Variants in TFAP2B observed in about 807,000 individuals in gnomAD.
TFAP2B encodes transcription factor AP-2 beta, also known as transcription factor AP-2-beta.
Under a neutral mutation model 44.3 loss-of-function variants are expected in TFAP2B, and 9 were observed. The observed-to-expected ratio is 0.20, with a 90% confidence interval of 0.12 to 0.35. TFAP2B has a LOEUF of 0.35. Among genes scored for constraint, TFAP2B ranks in the 10% least tolerant of loss-of-function variants. The pLI, the probability that TFAP2B is intolerant of heterozygous loss-of-function variation, is 1.00. For synonymous variants in TFAP2B, 270 were observed against 263.8 expected, an observed-to-expected ratio of 1.02 and a Z score of -0.23; for missense variants, 509 against 600.0, an observed-to-expected ratio of 0.85 and a Z score of 1.59.
In TFAP2B at chr6:50,844,315, A is replaced by T. The variant is rs2113963248; in HGVS notation, c.*923A>T. The T allele has an allele frequency of 6.6e-6, 1 of 152,056 alleles. No individual in the cohort carries two copies. The highest frequency in any genetic ancestry group is 6.6e-5 in the Admixed American group (1 of 15,254). The allele number at this position is 152,056 out of a possible 1,614,324, so 9.4% of individuals were successfully genotyped here. A position where few individuals can be genotyped will look rare whatever the true frequency, so the allele number is the denominator to read the frequency against. On this transcript the variant is annotated 3_prime_UTR_variant, in exon 7 of 7. Transcript: ENST00000393655. Reference sequence around the variant, plus strand: ...TAAAAAAAAAAAAACACACACACACACAATATGAATACGTTGATTAGTATG... The same window carrying T: ...TAAAAAAAAAAAAACACACACACACTCAATATGAATACGTTGATTAGTATG...
At chr6:50,840,543 G>A (rs377081184) in intron 6 of TFAP2B, among the ~76,000 whole-genome samples, 1 of 152,130 alleles carries the variant, frequency 6.6e-6, no homozygotes, top group South Asian at 2.1e-4. Context: ...TATCACTCTG[G>A]GGATGTCAGG....
At chr6:50,837,157 A>G (rs1762639893) in intron 4 of TFAP2B, among the ~76,000 whole-genome samples, 1 of 152,204 alleles carries the variant, frequency 6.6e-6, no homozygotes, top group Admixed American at 6.5e-5. Context: ...GTACAGCAAA[A>G]GAGATTACAG....
At chr6:50,819,229 C>T (rs948150862) in intron 1 of TFAP2B, among the ~76,000 whole-genome samples, 5 of 149,322 alleles carry the variant, frequency 3.3e-5, no homozygotes, top group African/African-American at 1.2e-4. Flanking sequence ...TTCCTCGCCT[C>T]CCCCCACCCC....
At chr6:50,826,190 G>C (rs1770498955) in intron 2 of TFAP2B, among the ~76,000 whole-genome samples, 1 of 151,888 alleles carries the variant, frequency 6.6e-6, no homozygotes. Flanking sequence ...GTCTTTAAAA[G>C]GGCCTGCACT....
chr6:50,827,304 T>A (rs1770556010), intron 2 of TFAP2B, among the ~76,000 whole-genome samples: 1 of 152,236 alleles, frequency 6.6e-6, no homozygotes, highest in Admixed American at 6.5e-5. Context: ...ACATGAAATA[T>A]TTTTAAAACA....
At chr6:50,826,284 T>C (rs1770501407) in intron 2 of TFAP2B, among the ~76,000 whole-genome samples, 1 of 152,058 alleles carries the variant, frequency 6.6e-6, no homozygotes, top group Non-Finnish European at 1.5e-5. Flanking sequence ...TCGTGTGTGT[T>C]CCAGATCCCC....
intron 1 of TFAP2B, chr6:50,821,827 C>T: frequency 7.9e-6 from 2 of 251,848 alleles, no homozygotes; most frequent in South Asian, 4.8e-5. Context: ...GAGGAAGGGG[C>T]GGCCGAGCAG....
At chr6:50,842,854 C>A (rs925412062) in intron 6 of TFAP2B, among the ~76,000 whole-genome samples, 1 of 152,154 alleles carries the variant, frequency 6.6e-6, no homozygotes, top group Middle Eastern at 3.2e-3. Flanking sequence ...AGGCTGAAGT[C>A]GGGGGAAGGC....
rs1770247249 is a variant in TFAP2B, at chr6:50,818,963, T to G, written c.72T>G (p.Asp24Glu). The G allele has an allele frequency of 6.2e-7, 1 of 1,614,108 alleles. No homozygotes were observed. Among genetic ancestry groups the G allele is most frequent in the African/African-American group, 1.3e-5 (1 of 75,020 alleles). ...TTGTGGAGAATGTCAAGTACGAAGATATCTATGAGGTGAGTCGACACCCCC... is the reference window on the plus strand; with the variant it reads ...TTGTGGAGAATGTCAAGTACGAAGAGATCTATGAGGTGAGTCGACACCCCC... ...WKLVENVKYEDIYEDRHDGVP... is the reference protein window; with the variant it reads ...WKLVENVKYEEIYEDRHDGVP... Residue 24 changes from aspartate to glutamate, a missense_variant, in exon 1 of 7, where the codon GAT becomes GAG. By Grantham distance (45) the Asp-to-Glu change is conservative. This residue lies in a region of TFAP2B where 296 missense variants were observed against 308.2 expected (regional missense o/e 0.96). Transcript: ENST00000393655.
At position 50,841,127 on chromosome 6, in the gene TFAP2B, C is replaced by G. The variant is rs541277690; in HGVS notation, c.1082+830C>G. 2.6e-5 allele frequency among the ~76,000 whole-genome samples: 4 copies of G among 152,314 alleles called. No homozygotes were observed. The South Asian group carries it at 6.2e-4, about 24-fold the overall frequency. ...TGATTGGAATTTGATTGCCCCTTTC[C>G]GCAGGGTCAAAAAATATTAATGTCC... On this transcript the variant is annotated intron_variant, in intron 6 of 6. Coordinates refer to ENST00000393655, the MANE Select transcript of TFAP2B (RefSeq NM_003221.4).
At chr6:50,840,034 G>A in intron 5 of TFAP2B, 122 bp from the exon 6 acceptor site, 2 of 1,314,358 alleles carry the variant, frequency 1.5e-6, no homozygotes, top group Non-Finnish European at 2.2e-6. Flanking sequence ...TCTCACCTTT[G>A]CTTTTGGCTC....
chr6:50,829,886 G>T (rs1251022967), intron 3 of TFAP2B, among the ~76,000 whole-genome samples: 4 of 152,166 alleles, frequency 2.6e-5, no homozygotes, highest in African/African-American at 9.7e-5. Context: ...GCCTTGGAAT[G>T]AATATCCTAA....
intron 3 of TFAP2B, chr6:50,830,247 T>A (rs1340948594): frequency 6.3e-6 from 6 of 956,042 alleles, no homozygotes; most frequent in Non-Finnish European, 7.5e-6. Context: ...TCATTTGGGC[T>A]GGCAGGGGAA....
At chr6:50,843,014 T>C in intron 6 of TFAP2B, 78 bp from the exon 7 acceptor site, 1 of 1,589,992 alleles carries the variant, frequency 6.3e-7, no homozygotes, top group Non-Finnish European at 8.6e-7. Flanking sequence ...CCTCTGGGCT[T>C]GTGTGAGCGT....
intron 5 of TFAP2B, among the ~76,000 whole-genome samples, chr6:50,839,026 C>T (rs575146523): frequency 6.6e-6 from 1 of 152,306 alleles, no homozygotes; most frequent in Non-Finnish European, 1.5e-5. Context: ...TATACTTGGC[C>T]ATTTTTAAGG....
intron 1 of TFAP2B, among the ~76,000 whole-genome samples, chr6:50,819,476 A>T (rs1288688655): frequency 6.6e-6 from 1 of 152,166 alleles, no homozygotes. Flanking sequence ...GCGGGAAAGA[A>T]GTAGATGGCT....
chr6:50,823,152 G>A (rs900768738), intron 1 of TFAP2B, among the ~76,000 whole-genome samples: 3 of 152,090 alleles, frequency 2.0e-5, no homozygotes, highest in African/African-American at 4.8e-5. Flanking sequence ...TTAAGTGGGT[G>A]ATTCCTTTCC....
At chr6:50,822,804 G>A (rs1185121691) in intron 1 of TFAP2B, among the ~76,000 whole-genome samples, 1 of 152,160 alleles carries the variant, frequency 6.6e-6, no homozygotes, top group African/African-American at 2.4e-5. Context: ...AGGAGTGACT[G>A]GGAACTCAGA....
At chr6:50,832,852 C>T (rs533761928) in intron 3 of TFAP2B, among the ~76,000 whole-genome samples, 1 of 152,146 alleles carries the variant, frequency 6.6e-6, no homozygotes, top group East Asian at 1.9e-4. Context: ...AATCATTTTT[C>T]TTTCCTCTCT....
Sources: allele counts gnomAD v4.1 joint callset (sites outside exome capture counted in the v4.1 genomes callset), GRCh38; gene constraint gnomAD v4.1.1; regional missense constraint gnomAD v4.1.1; transcripts MANE v1.5; gene names NCBI Gene and HGNC (gene_info 2026-07-23, HGNC 2026-07-21).